The following TLL1 variants were observed in gnomAD, a reference collection of about 807,000 sequenced individuals.
TLL1 encodes tolloid-like protein 1.
A neutral mutation model predicts 128.2 loss-of-function variants in TLL1; 49 were observed. The ratio of observed to expected loss-of-function variants is 0.38; its 90% CI spans 0.30 to 0.48. The LOEUF is 0.48. Ranked by LOEUF, TLL1 falls within the 20% of genes least tolerant of loss-of-function variation. TLL1 has a pLI of 0.96. For missense variants in TLL1, 1,123 were observed against 1,242.0 expected, an observed-to-expected ratio of 0.90 and a Z score of 1.44; for synonymous variants, 454 against 418.8, an observed-to-expected ratio of 1.08 and a Z score of -1.03.
chr4:165,891,606 A>G (rs1261501145), intron 1 of TLL1, among the ~76,000 whole-genome samples: 1 of 152,160 alleles, frequency 6.6e-6, no homozygotes, highest in Non-Finnish European at 1.5e-5. Context: ...ATAGCATAGC[A>G]ACAATCACCT....
intron 1 of TLL1, among the ~76,000 whole-genome samples, chr4:165,876,338 C>CAAAA (rs5863785): frequency 0.026 from 3,881 of 148,818 alleles, 127 homozygotes; most frequent in East Asian, 0.11. Context: ...AAGCAAGAGT[C>CAAAA]AAAAAAAAAA....
At chr4:165,972,015 G>GT (rs1735650051) in intron 1 of TLL1, among the ~76,000 whole-genome samples, 1 of 152,166 alleles carries the variant, frequency 6.6e-6, no homozygotes, top group Non-Finnish European at 1.5e-5. Flanking sequence ...CAGGATAATT[G>GT]TTTTTAAGTT....
rs75565087 is a variant in TLL1, at chr4:165,911,267, C to G, written c.169+37194C>G. 4.3e-3 allele frequency among the ~76,000 whole-genome samples: 660 copies of G among 152,154 alleles called. 3 individuals are homozygous for G. Among genetic ancestry groups the G allele is most frequent in the African/African-American group, 0.014 (577 of 41,498 alleles). On this transcript the variant is annotated intron_variant, in intron 1 of 20. Transcript: ENST00000061240. ...ATAAGATCAACTTTTTTTTAGCTCC[C>G]GCATGTGAGTGAGTACATGCAATAT... is the stretch of plus-strand genomic sequence containing the variant.
At chr4:166,052,194 T>A (rs1342497835) in intron 12 of TLL1, among the ~76,000 whole-genome samples, 1 of 152,206 alleles carries the variant, frequency 6.6e-6, no homozygotes, top group Admixed American at 6.5e-5. Flanking sequence ...TAATTTTTAA[T>A]AATAATCTTC....
At chr4:165,898,162 A>G (rs1016239870) in intron 1 of TLL1, among the ~76,000 whole-genome samples, 2 of 152,210 alleles carry the variant, frequency 1.3e-5, no homozygotes, top group African/African-American at 4.8e-5. Context: ...ATATACAGTC[A>G]TGTCATCTGC....
intron 16 of TLL1, among the ~76,000 whole-genome samples, chr4:166,067,550 C>A (rs1740624844): frequency 6.6e-6 from 1 of 151,648 alleles, no homozygotes; most frequent in Non-Finnish European, 1.5e-5. Context: ...AGTAACTGAG[C>A]ACCTTGGTAG....
chr4:165,881,567 C>A (rs573574433), intron 1 of TLL1, among the ~76,000 whole-genome samples: 1 of 152,078 alleles, frequency 6.6e-6, no homozygotes, highest in Admixed American at 6.6e-5. Flanking sequence ...TTATAAGCCA[C>A]GTACTGTATT....
chr4:166,040,313 A>C (rs1302909121), intron 10 of TLL1, among the ~76,000 whole-genome samples: 1 of 152,184 alleles, frequency 6.6e-6, no homozygotes, highest in Non-Finnish European at 1.5e-5. Flanking sequence ...TTAAAAATAA[A>C]GAATTGAACT....
chr4:165,874,582 A>C (rs1009272065), intron 1 of TLL1, among the ~76,000 whole-genome samples: 1 of 152,154 alleles, frequency 6.6e-6, no homozygotes, highest in Admixed American at 6.5e-5. Context: ...CAGGAATTTC[A>C]AGTGTGGGTT....
intron 1 of TLL1, among the ~76,000 whole-genome samples, chr4:165,944,852 T>C (rs1431741274): frequency 2.0e-5 from 3 of 152,142 alleles, no homozygotes. Context: ...ATTTTAGATA[T>C]GCTATGTGGA....
At position 166,101,014 on chromosome 4, in the gene TLL1, T is replaced by A; in HGVS notation, c.*138T>A. The A allele has an allele frequency of 8.7e-7, 1 of 1,147,770 alleles. No homozygotes were observed. Among genetic ancestry groups the A allele is most frequent in the African/African-American group, 1.6e-5 (1 of 63,634 alleles). 71.1% of individuals were successfully genotyped at this position (1,147,770 alleles called of 1,614,324 possible). On this transcript the variant is annotated 3_prime_UTR_variant, in exon 21 of 21. Transcript: ENST00000061240. ...AATCCCTGTAAGACCAGAATTATCT[T>A]TGTACTAAAAGAGAAGTTTCCAGCA...
chr4:166,066,978 A>G (rs1317981336), intron 16 of TLL1, among the ~76,000 whole-genome samples: 1 of 151,820 alleles, frequency 6.6e-6, no homozygotes, highest in African/African-American at 2.4e-5. Flanking sequence ...ATGGTTAGGT[A>G]GAGACAAGGT....
At chr4:166,050,670 CT>C (rs1364320943) in intron 12 of TLL1, among the ~76,000 whole-genome samples, 1 of 152,156 alleles carries the variant, frequency 6.6e-6, no homozygotes, top group Non-Finnish European at 1.5e-5. Context: ...TGTCCCAAGC[CT>C]GGCCATGACC....
At position 166,099,197 on chromosome 4, in the gene TLL1, C is replaced by T. The variant is rs528645223; in HGVS notation, c.2657-80C>T. 7.8e-5 allele frequency: 125 copies of T among 1,594,916 alleles called. No individual in the cohort carries two copies. The East Asian group carries it at 2.1e-3, about 26-fold the overall frequency. The stretch of plus-strand genomic sequence containing the variant: ...CAGAAGTTAGACAATGGCTAGGCTA[C>T]ACTGAAACTACACTGAAATTTAAAT... On this transcript the variant is annotated intron_variant, in intron 19 of 20. Transcript: ENST00000061240.
At chr4:166,058,784 G>A (rs1182402782) in intron 14 of TLL1, among the ~76,000 whole-genome samples, 1 of 152,058 alleles carries the variant, frequency 6.6e-6, no homozygotes, top group African/African-American at 2.4e-5. Context: ...CCATCAAAAT[G>A]TTAGTCCTCT....
intron 9 of TLL1, among the ~76,000 whole-genome samples, chr4:166,026,215 C>T (rs1738483559): frequency 6.6e-6 from 1 of 151,388 alleles, no homozygotes; most frequent in Non-Finnish European, 1.5e-5. Context: ...TTGATGAAAC[C>T]CTGTCTCTAC....
chr4:166,039,471 A>G lies in TLL1; in HGVS notation c.1261+30A>G, dbSNP rs372223759. On this transcript the variant is annotated intron_variant, in intron 10 of 20. Coordinates refer to ENST00000061240, the MANE Select transcript of TLL1 (RefSeq NM_012464.5). ...GATATCCTTTCCCTTTTATGTGGCT[A>G]TGTATCTATTCTGTCCCGTCCAAAA... 9.8e-6 allele frequency: 15 copies of G among 1,530,016 alleles called. No homozygotes were observed. The African/African-American group carries it at 2.1e-4, about 21-fold the overall frequency. The allele number at this position is 1,530,016 out of a possible 1,614,324, so 94.8% of individuals were successfully genotyped here. A position where few individuals can be genotyped will look rare whatever the true frequency, so the allele number is the denominator to read the frequency against.
chr4:166,091,054 T>A, intron 18 of TLL1, 74 bp from the exon 19 acceptor site: 1 of 1,298,600 alleles, frequency 7.7e-7, no homozygotes, highest in Non-Finnish European at 1.1e-6. Context: ...TGATATGTAT[T>A]TCTGTCCCAA....
At chr4:166,035,452 C>T (rs1216220650) in intron 9 of TLL1, among the ~76,000 whole-genome samples, 2 of 152,032 alleles carry the variant, frequency 1.3e-5, no homozygotes, top group African/African-American at 2.4e-5. Flanking sequence ...TTCAATTAAA[C>T]TCTTGCGAGT....
Sources: gnomAD v4.1 joint callset for allele counts (sites outside exome capture counted in the v4.1 genomes callset) on GRCh38, gnomAD v4.1.1 for gene constraint, MANE v1.5 for transcripts, NCBI Gene and HGNC (gene_info 2026-07-23, HGNC 2026-07-21) for gene names.